The following INPP4B variants were observed in gnomAD, a reference collection of about 807,000 sequenced individuals.
The protein encoded by INPP4B is inositol polyphosphate-4-phosphatase type II B, also known as inositol polyphosphate 4-phosphatase type II.
A neutral mutation model predicts 122.5 loss-of-function variants in INPP4B; 55 were observed. That is an observed-to-expected ratio of 0.45 (90% CI 0.36 to 0.56). The LOEUF is 0.56. INPP4B is among the 20% of genes least tolerant of loss of function. The probability of loss-of-function intolerance (pLI) is 0.00; values close to 1 mark genes in which losing one functional copy is unlikely to be tolerated. For missense variants in INPP4B, 1,000 were observed against 1,097.7 expected, an observed-to-expected ratio of 0.91 and a Z score of 1.26; for synonymous variants, 403 against 388.7, an observed-to-expected ratio of 1.04 and a Z score of -0.43.
intron 2 of INPP4B, among the ~76,000 whole-genome samples, chr4:142,580,812 C>T (rs1734897809): frequency 6.6e-6 from 1 of 151,978 alleles, no homozygotes; most frequent in South Asian, 2.1e-4. Context: ...TCATTTAATC[C>T]ACTTCCCACA....
intron 1 of INPP4B, among the ~76,000 whole-genome samples, chr4:142,803,183 A>AAAAGAAAG (rs1255828470): frequency 6.8e-5 from 10 of 147,238 alleles, no homozygotes; most frequent in East Asian, 5.9e-4. Flanking sequence ...AAAAAAAAAA[A>AAAAGAAAG]AAAGAAAGAA....
intron 25 of INPP4B, among the ~76,000 whole-genome samples, chr4:142,062,788 CA>C (rs1468214423): frequency 6.6e-6 from 1 of 150,792 alleles, no homozygotes; most frequent in Non-Finnish European, 1.5e-5. Flanking sequence ...CAAACAAACA[CA>C]AAAAAACTTT....
chr4:142,564,451 A>AAGAAAGAAAGAAAGAAAGAAAGAAAG (rs754667684), intron 2 of INPP4B, among the ~76,000 whole-genome samples: 62 of 131,694 alleles, frequency 4.7e-4, no homozygotes, highest in African/African-American at 1.0e-3. Flanking sequence ...AAAAAAAAAA[A>AAGAAAGAAAGAAAGAAAGAAAGAAAG]AAAGAAAGAA....
intron 1 of INPP4B, among the ~76,000 whole-genome samples, chr4:142,771,194 G>GGAC (rs1462829869): frequency 2.0e-5 from 3 of 152,020 alleles, no homozygotes; most frequent in Non-Finnish European, 4.4e-5. Context: ...CATGTTTGAG[G>GGAC]GACAGAAAGT....
intron 1 of INPP4B, among the ~76,000 whole-genome samples, chr4:142,801,174 C>T (rs561393799): frequency 4.6e-5 from 7 of 152,042 alleles, no homozygotes; most frequent in African/African-American, 7.2e-5. Context: ...TGGTCAAAAG[C>T]GGAAAACAGG....
chr4:142,381,372 T>A (rs943016197), intron 7 of INPP4B, among the ~76,000 whole-genome samples: 2 of 152,160 alleles, frequency 1.3e-5, no homozygotes, highest in African/African-American at 4.8e-5. Context: ...GTTTTTATTT[T>A]ACTGATTTGG....
chr4:142,048,691 C>T (rs754974282), intron 25 of INPP4B, among the ~76,000 whole-genome samples: 2 of 151,750 alleles, frequency 1.3e-5, no homozygotes, highest in African/African-American at 4.8e-5. Context: ...AGGTGGGCAA[C>T]CAGCAGAGGC....
chr4:142,124,937 T>A (rs557512860), intron 18 of INPP4B, among the ~76,000 whole-genome samples, 177 bp from the exon 19 acceptor site: 1 of 152,230 alleles, frequency 6.6e-6, no homozygotes, highest in East Asian at 1.9e-4. Context: ...CTCCACAATG[T>A]CCATAAGCAG....
At chr4:142,619,387 A>G (rs911376844) in intron 2 of INPP4B, among the ~76,000 whole-genome samples, 1 of 152,088 alleles carries the variant, frequency 6.6e-6, no homozygotes, top group Admixed American at 6.6e-5. Flanking sequence ...ATATACATAC[A>G]ATGGAATATG....
chr4:142,797,506 T>C (rs1193600071), intron 1 of INPP4B, among the ~76,000 whole-genome samples: 3 of 151,990 alleles, frequency 2.0e-5, no homozygotes, highest in African/African-American at 4.8e-5. Flanking sequence ...AAAATATCTA[T>C]ATCTAGGTGA....
intron 3 of INPP4B, among the ~76,000 whole-genome samples, chr4:142,441,556 T>C (rs534447568): frequency 4.0e-4 from 61 of 152,254 alleles, no homozygotes; most frequent in Admixed American, 9.8e-4. Context: ...GAAGTATCTT[T>C]GGTTAAGTGT....
chr4:142,435,694 C>A (rs1810317090), intron 3 of INPP4B, among the ~76,000 whole-genome samples: 1 of 152,236 alleles, frequency 6.6e-6, no homozygotes, highest in Non-Finnish European at 1.5e-5. Flanking sequence ...GGGGAGCCCC[C>A]ATACCCAGAC....
At chr4:142,500,795 A>C (rs577591337) in intron 2 of INPP4B, among the ~76,000 whole-genome samples, 3 of 152,298 alleles carry the variant, frequency 2.0e-5, no homozygotes, top group African/African-American at 4.8e-5. Flanking sequence ...CAAATACTGC[A>C]TGATTCCACC....
Position 142,116,533 on chromosome 4 carries a change from G to T in INPP4B, c.2136-3851C>A, listed in dbSNP as rs1793553346. ...TCACTCAAAACTGCTTGACTATGTG[G>T]AAACTGAACAACCTGCTCCTGAATG... On this transcript the variant is annotated intron_variant, in intron 21 of 25. Transcript: ENST00000262992. Among the ~76,000 whole-genome samples, 3 of 152,146 alleles carry T rather than the reference G, an allele frequency of 2.0e-5. No individual in the cohort carries two copies. The South Asian group carries it at 6.2e-4, about 32-fold the overall frequency.
chr4:142,188,254 G>A lies in INPP4B; in HGVS notation c.1181+4833C>T, dbSNP rs556984914. On this transcript the variant is annotated intron_variant, in intron 15 of 25. Transcript: ENST00000262992. ...TGTAATCCCAACACTTTGGGAGGCT[G>A]AGGCGGGTGGATTACGAGGTCAGCA... 7.2e-5 allele frequency among the ~76,000 whole-genome samples: 11 copies of A among 151,924 alleles called. No homozygotes were observed. In the South Asian group the frequency reaches 2.1e-3, roughly 29 times the overall value.
chr4:142,774,276 C>G lies in INPP4B; in HGVS notation c.-253-48375G>C, dbSNP rs1015146801. Among the ~76,000 whole-genome samples the G allele has an allele frequency of 2.4e-4, 31 of 129,506 alleles. 1 individual carries two copies. Among genetic ancestry groups the G allele is most frequent in the Admixed American group, 2.0e-3 (28 of 13,756 alleles). The allele number at this position is 129,506 out of a possible 152,430, so 85.0% of individuals were successfully genotyped here. On this transcript the variant is annotated intron_variant, in intron 1 of 25. Transcript: ENST00000262992. ...ATCATGGAGGTGTTGGCTAACGCAC[C>G]TGAGATGAAGACACCTTCGGGCTTA... is the stretch of plus-strand genomic sequence containing the variant.
chr4:142,692,755 T>C (rs1465001419), intron 2 of INPP4B, among the ~76,000 whole-genome samples: 2 of 152,210 alleles, frequency 1.3e-5, no homozygotes, highest in Non-Finnish European at 1.5e-5. Context: ...GTTCAATTCC[T>C]GGCCAGGGAA....
At chr4:142,482,771 T>C (rs1295699291) in intron 2 of INPP4B, among the ~76,000 whole-genome samples, 1 of 152,134 alleles carries the variant, frequency 6.6e-6, no homozygotes, top group African/African-American at 2.4e-5. Flanking sequence ...TTCTCCATTA[T>C]TTGCTTCCAC....
chr4:142,426,675 A>G (rs578074236), intron 5 of INPP4B: 19 of 152,086 alleles, frequency 1.2e-4, no homozygotes, highest in African/African-American at 4.3e-4. Flanking sequence ...AGAGGAATTC[A>G]ATAAGCAGAA....
Sources: gnomAD v4.1 joint callset for allele counts (sites outside exome capture counted in the v4.1 genomes callset) on GRCh38, gnomAD v4.1.1 for gene constraint, MANE v1.5 for transcripts, NCBI Gene and HGNC (gene_info 2026-07-23, HGNC 2026-07-21) for gene names.